Variants in PRKCZ observed in about 807,000 individuals in gnomAD.
PRKCZ encodes the protein protein kinase C zeta type.
In PRKCZ, 33 loss-of-function variants were observed where a neutral mutation model predicts 79.5. That is an observed-to-expected ratio of 0.41 (90% confidence interval 0.31 to 0.55). The LOEUF is 0.55. Ranked by LOEUF, PRKCZ falls within the 20% of genes least tolerant of loss-of-function variation. The probability of loss-of-function intolerance (pLI) is 0.19; values close to 1 mark genes in which losing one functional copy is unlikely to be tolerated. For synonymous variants in PRKCZ, 342 were observed against 320.9 expected, an observed-to-expected ratio of 1.07 and a Z score of -0.70; for missense variants, 578 against 813.5, an observed-to-expected ratio of 0.71 and a Z score of 3.52.
At chr1:2,055,297 G>C (rs1660058363) in intron 1 of PRKCZ, 144 bp from the exon 2 acceptor site, 1 of 995,152 alleles carries the variant, frequency 1.0e-6, no homozygotes, top group Admixed American at 3.2e-5. Flanking sequence ...TTGTGTGTGG[G>C]AGGGGGGAGG....
At chr1:2,153,801 C>T (rs750311125) in intron 9 of PRKCZ, among the ~76,000 whole-genome samples, 3 of 152,224 alleles carry the variant, frequency 2.0e-5, no homozygotes, top group Non-Finnish European at 4.4e-5. Flanking sequence ...GCCGGGATGC[C>T]GAGGTGGGGA....
rs1364378808 is a variant in PRKCZ at position 2,173,840 on chromosome 1, C to T, written c.1286-57C>T. 2.0e-6 allele frequency: 3 copies of T among 1,517,490 alleles called. No homozygotes were observed. The highest frequency in any genetic ancestry group is 1.4e-5 in the African/African-American group (1 of 71,180). 94.0% of individuals were successfully genotyped at this position (1,517,490 alleles called of 1,614,324 possible). On this transcript the variant is annotated intron_variant, in intron 13 of 17. Transcript: ENST00000378567. The surrounding 1 kb of genome is among the most constrained non-coding windows in gnomAD (Gnocchi z 5.7). The stretch of plus-strand genomic sequence containing the variant: ...CATGAAAACCAACGCCAGCCAGGTT[C>T]GTCCTGCTGCCGGCCCATGTGGCCC...
intron 5 of PRKCZ, among the ~76,000 whole-genome samples, chr1:2,136,609 T>C (rs908396531): frequency 1.3e-5 from 2 of 152,120 alleles, no homozygotes; most frequent in Non-Finnish European, 2.9e-5. Context: ...TAGGCGGCTG[T>C]GTGCTTAGGG....
chr1:2,172,517 C>A lies in PRKCZ; in HGVS notation c.1285+129C>A. On this transcript the variant is annotated intron_variant, in intron 13 of 17. Coordinates refer to ENST00000378567, the MANE Select transcript of PRKCZ (RefSeq NM_002744.6). The surrounding 1 kb of genome is among the most constrained non-coding windows in gnomAD (Gnocchi z 7.8). ...AAAAGCCACACACTGTCTTTCCCAG[C>A]CGGATGTCATCATCTGGCCTCAGCC... 1 of 1,072,082 alleles carries A rather than the reference C, an allele frequency of 9.3e-7. No individual in the cohort carries two copies. Among genetic ancestry groups the A allele is most frequent in the Non-Finnish European group, 1.3e-6 (1 of 764,480 alleles). 66.4% of individuals were successfully genotyped at this position (1,072,082 alleles called of 1,614,324 possible).
chr1:2,112,518 A>G (rs1406711705), intron 4 of PRKCZ, among the ~76,000 whole-genome samples: 4 of 152,074 alleles, frequency 2.6e-5, no homozygotes, highest in Non-Finnish European at 5.9e-5. Context: ...GGCATGGGGG[A>G]CTGTGGGGTG....
rs1398219406 is a variant in PRKCZ, at chr1:2,150,976, G to A, written c.874G>A (p.Glu292Lys). The change falls in exon 9 of 18, where the codon GAG becomes AAG. Residue 292 changes from glutamate (E) to lysine (K), a missense_variant and splice_region_variant. Coordinates refer to ENST00000378567, the MANE Select transcript of PRKCZ (RefSeq NM_002744.6). ...VVKKELVHDDEDIDWVQTEKH... is the reference protein window; with the variant it reads ...VVKKELVHDDKDIDWVQTEKH... ...GAAGAAAGAGCTGGTGCATGATGACGAGGTAGGTGCCGCTTCTCATGGGGC... is the reference window on the plus strand; with the variant it reads ...GAAGAAAGAGCTGGTGCATGATGACAAGGTAGGTGCCGCTTCTCATGGGGC... The A allele has an allele frequency of 6.2e-7, 1 of 1,613,348 alleles. No homozygotes were observed. The highest frequency in any genetic ancestry group is 8.5e-7 in the Non-Finnish European group (1 of 1,179,974).
At chr1:2,090,941 A>G (rs932488898) in intron 4 of PRKCZ, among the ~76,000 whole-genome samples, 1 of 152,212 alleles carries the variant, frequency 6.6e-6, no homozygotes, top group Non-Finnish European at 1.5e-5. Flanking sequence ...TATTGAACAC[A>G]CGTCTTAAAT....
chr1:2,171,296 C>T (rs1350407441), intron 11 of PRKCZ, among the ~76,000 whole-genome samples: 2 of 145,858 alleles, frequency 1.4e-5, no homozygotes, highest in Non-Finnish European at 3.0e-5. Flanking sequence ...GAGCCAAGAT[C>T]GCGCCATTGC....
chr1:2,184,330 G>C, intron 16 of PRKCZ: 2 of 413,272 alleles, frequency 4.8e-6, no homozygotes, highest in Non-Finnish European at 8.9e-6. Flanking sequence ...GGGTGGCTGG[G>C]GATCCTGCTC....
At chr1:2,088,559 G>A (rs1439719124) in intron 4 of PRKCZ, among the ~76,000 whole-genome samples, 5 of 152,212 alleles carry the variant, frequency 3.3e-5, no homozygotes, top group Admixed American at 1.3e-4. Flanking sequence ...CGCCCAGAGC[G>A]GCTTCCGGAG....
At chr1:2,160,129 C>G (rs1231255512) in intron 10 of PRKCZ, among the ~76,000 whole-genome samples, 1 of 152,218 alleles carries the variant, frequency 6.6e-6, no homozygotes, top group African/African-American at 2.4e-5. Context: ...CACACCTTTG[C>G]TTATCTGTGG....
chr1:2,179,404 C>G (rs1169940090), intron 16 of PRKCZ, among the ~76,000 whole-genome samples: 1 of 152,192 alleles, frequency 6.6e-6, no homozygotes, highest in Non-Finnish European at 1.5e-5. Context: ...CCGCAGGATC[C>G]CCGGTACTTG....
At chr1:2,053,379 G>A (rs1342980030) in intron 1 of PRKCZ, among the ~76,000 whole-genome samples, 2 of 152,196 alleles carry the variant, frequency 1.3e-5, no homozygotes, top group Non-Finnish European at 1.5e-5. Context: ...GATGAAAGGC[G>A]TGAGTCACCG....
At chr1:2,083,426 G>A (rs1013981162) in intron 4 of PRKCZ, among the ~76,000 whole-genome samples, 9 of 152,124 alleles carry the variant, frequency 5.9e-5, no homozygotes, top group South Asian at 2.1e-4. Flanking sequence ...AATTTAGAAC[G>A]AGGAATATTT....
chr1:2,064,726 T>C (rs1479229729), intron 4 of PRKCZ, among the ~76,000 whole-genome samples: 2 of 152,242 alleles, frequency 1.3e-5, no homozygotes, highest in South Asian at 2.1e-4. Context: ...GTGTCTCTCT[T>C]TGAGCCAGTG....
At chr1:2,176,877 G>A (rs577257141) in intron 16 of PRKCZ, among the ~76,000 whole-genome samples, 1 of 152,242 alleles carries the variant, frequency 6.6e-6, no homozygotes, top group Non-Finnish European at 1.5e-5. Context: ...CCAGAGCCCA[G>A]CTGGGCTGCT....
At chr1:2,063,415 C>T (rs528133599) in intron 4 of PRKCZ, among the ~76,000 whole-genome samples, 9 of 152,172 alleles carry the variant, frequency 5.9e-5, no homozygotes, top group South Asian at 4.2e-4. Flanking sequence ...TGGGCTCAAG[C>T]GATTCTCCTG....
rs1302581086 is a variant in PRKCZ, at chr1:2,128,903, G to T, written c.335-6359G>T. On this transcript the variant is annotated intron_variant, in intron 4 of 17. Coordinates refer to ENST00000378567, the MANE Select transcript of PRKCZ (RefSeq NM_002744.6). This position sits in a 1 kb window ranked among gnomAD's most constrained non-coding sequence, Gnocchi z 6.5. ...CACAGCCTCCTCGCCGGTAGTATCT[G>T]GGGGCCAGGGGCCGTTTCCAGAGCA... Among the ~76,000 whole-genome samples, 3 of 152,162 alleles carry T rather than the reference G, an allele frequency of 2.0e-5. No homozygotes were observed. The highest frequency in any genetic ancestry group is 7.2e-5 in the African/African-American group (3 of 41,424).
intron 16 of PRKCZ, 78 bp downstream of exon 16, chr1:2,175,391 ACCCCAAT>A: frequency 1.9e-6 from 2 of 1,078,360 alleles, no homozygotes; most frequent in South Asian, 1.5e-5. Context: ...CCCAACCCCA[ACCCCAAT>A]ATTCACCCAA....
Sources: gnomAD v4.1 joint callset for allele counts (sites outside exome capture counted in the v4.1 genomes callset) on GRCh38, gnomAD v4.1.1 for gene constraint, Gnocchi (gnomAD v3.1) non-coding constraint, MANE v1.5 for transcripts, NCBI Gene and HGNC (gene_info 2026-07-23, HGNC 2026-07-21) for gene names.